FAM47E: variants seen among roughly 807,000 people sequenced by gnomAD.
FAM47E encodes family with sequence similarity 47 member E.
A neutral mutation model predicts 41.6 loss-of-function variants in FAM47E; 32 were observed. The ratio of observed to expected loss-of-function variants is 0.77; its 90% CI spans 0.58 to 1.03. The LOEUF (loss-of-function observed/expected upper bound fraction) is 1.03. Ranked by LOEUF, FAM47E falls within the 50% of genes least tolerant of loss-of-function variation. The pLI is 0.00. For missense variants in FAM47E, 424 were observed against 485.4 expected (o/e 0.87, Z 1.19); for synonymous variants, 184 against 188.7 (o/e 0.98, Z 0.20).
At chr4:76,263,020 G>A (rs895003907) in intron 2 of FAM47E, among the ~76,000 whole-genome samples, 1 of 151,986 alleles carries the variant, frequency 6.6e-6, no homozygotes, top group Admixed American at 6.5e-5. Context: ...TCCTGCGTAA[G>A]CTTCCCAAAG....
At chr4:76,256,099 T>G (rs1560742289) in intron 1 of FAM47E, 79 bp from the exon 2 acceptor site, 1 of 1,456,528 alleles carries the variant, frequency 6.9e-7, no homozygotes, top group Non-Finnish European at 9.1e-7. Flanking sequence ...TACTACCTCC[T>G]TCTCCCACCC....
chr4:76,230,458 A>G (rs1244340075), intron 2 of FAM47E, among the ~76,000 whole-genome samples: 3 of 152,160 alleles, frequency 2.0e-5, no homozygotes, highest in Admixed American at 6.5e-5. Context: ...GAAAGCAAGC[A>G]TCACTTTCAG....
intron 6 of FAM47E, 196 bp from the exon 7 acceptor site, chr4:76,280,068 G>T (rs1364456371): frequency 4.5e-6 from 2 of 443,386 alleles, no homozygotes; most frequent in Non-Finnish European, 8.0e-6. Context: ...AAGGCTAGGG[G>T]AAGGAGAGAA....
intron 2 of FAM47E, chr4:76,234,229 T>TC: frequency 6.6e-6 from 1 of 152,374 alleles, no homozygotes; most frequent in East Asian, 1.9e-4. Context: ...GGGCATGATT[T>TC]CCCCCACTCT....
rs1326629369 is a variant in FAM47E, at chr4:76,273,917, CTATGT to C, written c.870+2153_870+2157del. On this transcript the variant is annotated intron_variant, in intron 5 of 7. Transcript: ENST00000424749. The stretch of plus-strand genomic sequence containing the variant: ...CCATCTAGTATTTTTTTAGAATCTC[CTATGT>C]TATAATTTTTATCTCTAAAAGTTTA... Among the ~76,000 whole-genome samples the C allele has an allele frequency of 3.9e-5, 6 of 151,932 alleles. No individual in the cohort carries two copies. In the East Asian group the frequency reaches 1.2e-3, roughly 29 times the overall value.
At position 76,251,730 on chromosome 4, in the gene FAM47E, G is replaced by A. The variant is rs1167915492; in HGVS notation, c.-17G>A. 6.8e-7 allele frequency: 1 copy of A among 1,472,810 alleles called. No homozygotes were observed. Among genetic ancestry groups the A allele is most frequent in the Non-Finnish European group, 8.9e-7 (1 of 1,119,180 alleles). The allele number at this position is 1,472,810 out of a possible 1,614,324, so 91.2% of individuals were successfully genotyped here. On this transcript the variant is annotated 5_prime_UTR_variant, in exon 1 of 8. Transcript: ENST00000424749. ...CACCGCCCAAGCCCGGACGGTGGCC[G>A]CGAAGCTAGGGCCACCATGGCGGAC...
intron 4 of FAM47E, chr4:76,269,063 T>C (rs1578793629): frequency 2.7e-6 from 1 of 368,706 alleles, no homozygotes; most frequent in African/African-American, 2.1e-5. Context: ...TTATTTTCCA[T>C]TTTATTGTTA....
intron 5 of FAM47E, among the ~76,000 whole-genome samples, chr4:76,276,037 G>GACAGACAGACACACAC (rs1553957135): frequency 3.2e-5 from 2 of 62,348 alleles, no homozygotes; most frequent in Non-Finnish European, 7.1e-5. Flanking sequence ...CAGACAGACA[G>GACAGACAGACACACAC]ACACACACAC....
intron 4 of FAM47E, among the ~76,000 whole-genome samples, chr4:76,270,321 A>T (rs1439681602): frequency 6.6e-6 from 1 of 152,180 alleles, no homozygotes; most frequent in East Asian, 1.9e-4. Flanking sequence ...AATTACTCTC[A>T]CTGGACTAAC....
chr4:76,237,721 A>G (rs1404572169), intron 2 of FAM47E, among the ~76,000 whole-genome samples: 2 of 152,204 alleles, frequency 1.3e-5, no homozygotes, highest in Non-Finnish European at 2.9e-5. Flanking sequence ...ACTCACAGTC[A>G]TGACAGAAGG....
In FAM47E at chr4:76,228,466, A is replaced by G. The variant is rs544261250; in HGVS notation, c.81+10778A>G. Among the ~76,000 whole-genome samples the G allele has an allele frequency of 3.3e-5, 5 of 151,688 alleles. No individual in the cohort carries two copies. The South Asian group carries it at 8.4e-4, about 25-fold the overall frequency. ...TGCACTCCAGCCTGGGCGATGGAGT[A>G]AGCCTCCATCTTAAAAAAAAAAAAA... On this transcript the variant is annotated intron_variant, in intron 2 of 7. Coordinates refer to the FAM47E transcript ENST00000510197.
chr4:76,237,195 A>G (rs35177915), intron 2 of FAM47E, among the ~76,000 whole-genome samples: 113,710 of 151,846 alleles, frequency 0.75, 43,148 homozygotes, highest in East Asian at 0.82. Context: ...GCGCCTGGCC[A>G]TAAAATGTTT....
At chr4:76,239,989 C>T (rs1316253293) in intron 2 of FAM47E, among the ~76,000 whole-genome samples, 1 of 152,122 alleles carries the variant, frequency 6.6e-6, no homozygotes, top group Non-Finnish European at 1.5e-5. Flanking sequence ...ATCATCTTTT[C>T]CCCATTGGAT....
intron 7 of FAM47E, chr4:76,281,400 A>G (rs539406400): frequency 7.2e-5 from 11 of 152,196 alleles, no homozygotes; most frequent in African/African-American, 2.6e-4. Context: ...GAACATCAAT[A>G]CTAGGTCTGC....
intron 1 of FAM47E, among the ~76,000 whole-genome samples, chr4:76,252,954 T>A (rs1734036030): frequency 6.6e-6 from 1 of 152,194 alleles, no homozygotes; most frequent in South Asian, 2.1e-4. Flanking sequence ...CTGTAACATT[T>A]GGTCATATGT....
intron 5 of FAM47E, among the ~76,000 whole-genome samples, chr4:76,276,898 C>T (rs1160902019): frequency 6.6e-6 from 1 of 152,200 alleles, no homozygotes; most frequent in Non-Finnish European, 1.5e-5. Context: ...TCCTCTGTCC[C>T]ATCCTCTCTT....
At chr4:76,277,321 A>G (rs1012016508) in intron 5 of FAM47E, among the ~76,000 whole-genome samples, 33 of 151,528 alleles carry the variant, frequency 2.2e-4, no homozygotes, top group Middle Eastern at 6.8e-3. Context: ...CGTCTCTACT[A>G]AAAAATACAA....
chr4:76,237,328 T>C (rs2109989235), intron 2 of FAM47E, among the ~76,000 whole-genome samples: 1 of 151,040 alleles, frequency 6.6e-6, no homozygotes, highest in Middle Eastern at 3.5e-3. Flanking sequence ...GAAAGTCCAT[T>C]CAGATGGTTG....
intron 2 of FAM47E, among the ~76,000 whole-genome samples, chr4:76,229,633 C>T (rs1733458880): frequency 6.6e-6 from 1 of 152,194 alleles, no homozygotes; most frequent in Non-Finnish European, 1.5e-5. Context: ...CCACCCAGTG[C>T]AGCTACCAGG....
Sources: gnomAD v4.1 joint callset for allele counts (sites outside exome capture counted in the v4.1 genomes callset) on GRCh38, gnomAD v4.1.1 for gene constraint, MANE v1.5 for transcripts, NCBI Gene and HGNC (gene_info 2026-07-23, HGNC 2026-07-21) for gene names.